The following ANKRD28 variants were observed in gnomAD, a reference collection of about 807,000 sequenced individuals.
ANKRD28 encodes serine/threonine-protein phosphatase 6 regulatory ankyrin repeat subunit A.
Under a neutral mutation model 126.5 loss-of-function variants are expected in ANKRD28, and 44 were observed. That is an observed-to-expected ratio of 0.35 (90% CI 0.27 to 0.45). ANKRD28 has a LOEUF of 0.45. Ranked by LOEUF, ANKRD28 falls within the 20% of genes least tolerant of loss-of-function variation. The probability of loss-of-function intolerance (pLI) is 1.00; values close to 1 mark genes in which losing one functional copy is unlikely to be tolerated. For synonymous variants in ANKRD28, 442 were observed against 468.5 expected (o/e 0.94, Z 0.73); for missense variants, 1,110 against 1,316.6 (o/e 0.84, Z 2.43).
At chr3:15,819,098 C>T (rs925728091) in intron 1 of ANKRD28, among the ~76,000 whole-genome samples, 1 of 151,890 alleles carries the variant, frequency 6.6e-6, no homozygotes, top group African/African-American at 2.4e-5. Flanking sequence ...GGCAACATGG[C>T]AAGACCCTGT....
In ANKRD28 at chr3:15,683,163, A is replaced by AT. The variant is rs2067718089; in HGVS notation, c.2389+2062dup. On this transcript the variant is annotated intron_variant, in intron 21 of 27. Coordinates refer to ENST00000683139, the MANE Select transcript of ANKRD28 (RefSeq NM_001349278.2). ...CTGAGGAAAAATATCTCACTGTGTG[A>AT]TTTTTCCAATGGTTAATCTTCAGGG... is the stretch of plus-strand genomic sequence containing the variant. 2.6e-5 allele frequency among the ~76,000 whole-genome samples: 4 copies of AT among 152,182 alleles called. No homozygotes were observed. The South Asian group carries it at 8.3e-4, about 32-fold the overall frequency.
rs761697914 is a variant in ANKRD28, at chr3:15,839,713, G to A, written c.27+19664C>T. 2.7e-4 allele frequency among the ~76,000 whole-genome samples: 41 copies of A among 152,092 alleles called. No individual in the cohort carries two copies. Among genetic ancestry groups the A allele is most frequent in the Admixed American group, 1.1e-3 (17 of 15,274 alleles). On this transcript the variant is annotated intron_variant, in intron 1 of 27. Transcript: ENST00000399451. This position sits in a 1 kb window ranked among gnomAD's most constrained non-coding sequence, Gnocchi z 4.3. ...AAAATCATTCATCATGACCAAGTGG[G>A]ACTTATCCCCCGAGGGATGCAAGGA...
rs1486785251 is a variant in ANKRD28 at position 15,711,236 on chromosome 3, A to G, written c.1312T>C (p.Cys438Arg). Residue 438 changes from cysteine to arginine, a missense_variant, in exon 12 of 28, where the codon TGT (cysteine) becomes CGT (arginine). Cys to Arg is a radical substitution (Grantham distance 180). Coordinates refer to ENST00000683139, the MANE Select transcript of ANKRD28 (RefSeq NM_001349278.2). ...CCTCCAGCTGCAGCTGCATGTAGAC[A>G]AGTCCTGCCAAAATCATCTGGGGTA... ...IDTPDDFGRT[C>R]LHAAAAGGNL... 6.2e-7 allele frequency: 1 copy of G among 1,612,852 alleles called. No individual in the cohort carries two copies.
chr3:15,750,488 A>G (rs1298524590), intron 4 of ANKRD28, among the ~76,000 whole-genome samples: 1 of 152,226 alleles, frequency 6.6e-6, no homozygotes, highest in Non-Finnish European at 1.5e-5. Flanking sequence ...AAGTTCCATA[A>G]GTTCATAAGC....
rs1188254194 is a variant in ANKRD28, at chr3:15,843,625, G to A, written c.27+15752C>T. ...AGAGAGAGGCAGAAATTAAAGTGTAGAAATAAAACAATTTACAATAAGGAA... is the reference window on the plus strand; with the variant it reads ...AGAGAGAGGCAGAAATTAAAGTGTAAAAATAAAACAATTTACAATAAGGAA... On this transcript the variant is annotated intron_variant, in intron 1 of 27. Coordinates refer to the ANKRD28 transcript ENST00000399451. This position sits in a 1 kb window ranked among gnomAD's most constrained non-coding sequence, Gnocchi z 5.2. Among the ~76,000 whole-genome samples the A allele has an allele frequency of 6.6e-6, 1 of 151,316 alleles. No homozygotes were observed. The highest frequency in any genetic ancestry group is 1.5e-5 in the Non-Finnish European group (1 of 67,808).
chr3:15,685,504 T>C (rs2068008098), intron 20 of ANKRD28, 59 bp from the exon 21 acceptor site: 2 of 1,521,776 alleles, frequency 1.3e-6, no homozygotes, highest in Admixed American at 3.4e-5. Flanking sequence ...ACATGCCAAT[T>C]TCAGCTAATT....
chr3:15,675,792 G>T, intron 27 of ANKRD28, 106 bp downstream of exon 27: 1 of 939,204 alleles, frequency 1.1e-6, no homozygotes, highest in Non-Finnish European at 1.5e-6. Context: ...ATTAACTTTA[G>T]CTCTCCTCTT....
intron 2 of ANKRD28, among the ~76,000 whole-genome samples, chr3:15,785,530 T>C (rs2059736172): frequency 2.0e-5 from 3 of 152,040 alleles, no homozygotes; most frequent in South Asian, 2.1e-4. Flanking sequence ...ACGCACCTAT[T>C]AGAATGGTCA....
At chr3:15,719,445 A>C (rs1053221777) in intron 8 of ANKRD28, among the ~76,000 whole-genome samples, 5 of 152,354 alleles carry the variant, frequency 3.3e-5, no homozygotes, top group Admixed American at 2.0e-4. Flanking sequence ...ATTAATACAG[A>C]AACAACTAAC....
intron 6 of ANKRD28, among the ~76,000 whole-genome samples, chr3:15,729,092 A>G (rs544029083): frequency 2.0e-5 from 3 of 152,342 alleles, no homozygotes; most frequent in Admixed American, 1.3e-4. Context: ...GCTCCAGCCC[A>G]GACTGATGTT....
chr3:15,844,891 A>T (rs543856916), intron 1 of ANKRD28, among the ~76,000 whole-genome samples: 1 of 152,344 alleles, frequency 6.6e-6, no homozygotes, highest in South Asian at 2.1e-4. Context: ...AAGAGGTTTA[A>T]TTGGCTCACA....
At chr3:15,796,187 T>C (rs536752353) in intron 1 of ANKRD28, among the ~76,000 whole-genome samples, 1 of 152,224 alleles carries the variant, frequency 6.6e-6, no homozygotes, top group Non-Finnish European at 1.5e-5. Context: ...TTAAAGAGAT[T>C]AAGACATAGT....
At chr3:15,741,204 A>AAAAAAAC (rs1559447535) in intron 4 of ANKRD28, among the ~76,000 whole-genome samples, 1 of 145,110 alleles carries the variant, frequency 6.9e-6, no homozygotes, top group African/African-American at 2.7e-5. Flanking sequence ...ATCTCAAAAA[A>AAAAAAAC]AAAAAACAAA....
chr3:15,730,824 A>C (rs1028025795), intron 6 of ANKRD28, among the ~76,000 whole-genome samples: 2 of 152,224 alleles, frequency 1.3e-5, no homozygotes, highest in African/African-American at 2.4e-5. Context: ...TCCGAAGTTC[A>C]TATGTTGGAA....
chr3:15,811,050 A>G (rs951068349), intron 1 of ANKRD28, among the ~76,000 whole-genome samples: 21 of 152,344 alleles, frequency 1.4e-4, no homozygotes, highest in African/African-American at 5.0e-4. Context: ...AGAACAGGGT[A>G]GTTTAAGATG....
At chr3:15,851,438 G>T (rs975028692) in intron 1 of ANKRD28, among the ~76,000 whole-genome samples, 8 of 152,052 alleles carry the variant, frequency 5.3e-5, no homozygotes, top group Admixed American at 1.3e-4. Context: ...CAGCTACTTG[G>T]GGGGCTGAGG....
At chr3:15,801,945 AT>A (rs1559556421), upstream of ANKRD28, among the ~76,000 whole-genome samples, 1 of 152,196 alleles carries the variant, frequency 6.6e-6, no homozygotes, top group Non-Finnish European at 1.5e-5. This position sits in a 1 kb window ranked among gnomAD's most constrained non-coding sequence, Gnocchi z 4.9. Context: ...ATTCGTAATA[AT>A]AAATTGTTAA....
chr3:15,813,730 T>C (rs1439892508), intron 1 of ANKRD28, among the ~76,000 whole-genome samples: 2 of 152,240 alleles, frequency 1.3e-5, no homozygotes, highest in Non-Finnish European at 2.9e-5. Flanking sequence ...TGAGATTTTT[T>C]AAAAACTACT....
chr3:15,728,172 A>G (rs536678528), intron 6 of ANKRD28, among the ~76,000 whole-genome samples: 1 of 152,122 alleles, frequency 6.6e-6, no homozygotes, highest in Non-Finnish European at 1.5e-5. Context: ...TAGCAATAAC[A>G]TATTTTTTAA....
Sources: allele counts gnomAD v4.1 joint callset (sites outside exome capture counted in the v4.1 genomes callset), GRCh38; gene constraint gnomAD v4.1.1; non-coding constraint Gnocchi (gnomAD v3.1); transcripts MANE v1.5; gene names NCBI Gene and HGNC (gene_info 2026-07-23, HGNC 2026-07-21).